REXO1: variants seen among roughly 807,000 people sequenced by gnomAD.
REXO1 encodes the protein REX1, RNA exonuclease 1 homolog.
REXO1 carries 42 observed loss-of-function variants against 102.6 expected under a neutral mutation model. That is an observed-to-expected ratio of 0.41 (90% CI 0.32 to 0.53). REXO1 has a LOEUF of 0.53. Ranked by LOEUF, REXO1 falls within the 20% of genes least tolerant of loss-of-function variation. REXO1 has a pLI of 0.27. For missense variants in REXO1, 1,819 were observed against 1,732.5 expected (o/e 1.05, Z -0.89); for synonymous variants, 908 against 779.1 (o/e 1.17, Z -2.76).
In REXO1 at chr19:1,848,246, C is replaced by G. The variant is rs756384226; in HGVS notation, c.113G>C (p.Gly38Ala). 8.1e-7 allele frequency: 1 copy of G among 1,228,206 alleles called. No homozygotes were observed. The highest frequency in any genetic ancestry group is 1.0e-6 in the Non-Finnish European group (1 of 981,162). 76.1% of individuals were successfully genotyped at this position (1,228,206 alleles called of 1,614,324 possible). A position where few individuals can be genotyped will look rare whatever the true frequency, so the allele number is the denominator to read the frequency against. ...YCHFRHRGARGSGAPGDGGEA... is the reference protein window; with the variant it reads ...YCHFRHRGARASGAPGDGGEA... Reference sequence around the variant, plus strand: ...TCCGCCGTCACCGGGCGCGCCGGAGCCCCGGGCCCCGCGGTGCCGGAAGTG... The same window carrying G: ...TCCGCCGTCACCGGGCGCGCCGGAGGCCCGGGCCCCGCGGTGCCGGAAGTG... Residue 38 changes from glycine to alanine, a missense_variant, in exon 1 of 16, where the codon GGC (glycine) becomes GCC (alanine). Coordinates refer to ENST00000170168, the MANE Select transcript of REXO1 (RefSeq NM_020695.4).
At position 1,815,930 on chromosome 19, in the gene REXO1, G is replaced by A. The variant is rs1219246781; in HGVS notation, c.*136C>T. 1.2e-5 allele frequency: 18 copies of A among 1,534,554 alleles called. No homozygotes were observed. Among genetic ancestry groups the A allele is most frequent in the Middle Eastern group, 1.7e-4 (1 of 6,004 alleles). On this transcript the variant is annotated 3_prime_UTR_variant, in exon 16 of 16. Coordinates refer to ENST00000170168, the MANE Select transcript of REXO1 (RefSeq NM_020695.4). This position sits in a 1 kb window ranked among gnomAD's most constrained non-coding sequence, Gnocchi z 4.0. ...GGGCTGGGCTGGGCGTTCTCTGGCC[G>A]CCAGCTCATCCCGCTGCTCTGGGCT...
chr19:1,817,668 T>C lies in REXO1; in HGVS notation c.3090+39A>G, dbSNP rs774126016. 2.5e-6 allele frequency: 4 copies of C among 1,593,746 alleles called. No homozygotes were observed. The African/African-American group carries it at 4.0e-5, about 16-fold the overall frequency. ...CCAACGATGGGGAGGCAGAAGTCTG[T>C]TGAGAACAGGCAGAGGGGACTGGGA... On this transcript the variant is annotated intron_variant, in intron 11 of 15. Transcript: ENST00000170168.
chr19:1,821,420 C>A (rs563739713), intron 5 of REXO1, 99 bp downstream of exon 5: 1 of 1,428,000 alleles, frequency 7.0e-7, no homozygotes, highest in East Asian at 2.3e-5. Context: ...CGAAGGCCCG[C>A]AGGGCAGGGG....
At chr19:1,836,774 G>A (rs1254978052) in intron 1 of REXO1, among the ~76,000 whole-genome samples, 6 of 143,410 alleles carry the variant, frequency 4.2e-5, no homozygotes, top group Non-Finnish European at 7.6e-5. Context: ...AAAAGAACCC[G>A]GCAGGCCCAG....
chr19:1,831,759 C>A (rs745570823), intron 1 of REXO1, among the ~76,000 whole-genome samples: 1 of 144,414 alleles, frequency 6.9e-6, no homozygotes, highest in South Asian at 2.1e-4. Context: ...GCAAGAGAAT[C>A]GCTTGAACCT....
chr19:1,844,974 T>C (rs2011471211), intron 1 of REXO1, among the ~76,000 whole-genome samples: 1 of 152,310 alleles, frequency 6.6e-6, no homozygotes, highest in Non-Finnish European at 1.5e-5. Flanking sequence ...CCCTGGACTT[T>C]CCTGCAATCC....
chr19:1,827,628 G>A lies in REXO1; in HGVS notation c.1161C>T (p.Pro387=). The A allele has an allele frequency of 6.4e-7, 1 of 1,573,036 alleles. No individual in the cohort carries two copies. The change falls in exon 2 of 16, where the codon CCC becomes CCT. Residue 387 remains proline, a synonymous_variant. Coordinates refer to ENST00000170168, the MANE Select transcript of REXO1 (RefSeq NM_020695.4). ...TCCCCTGGGCCCCGTCTTTGCAGCT[G>A]GGGGCAGGTGGGGCCCCGGTTTTTT... ...KKKKTGAPPA[P]SCKDGAQGKD...
Position 1,823,380 on chromosome 19 carries a change from G to A in REXO1, c.2230+192C>T, listed in dbSNP as rs180872964. The stretch of plus-strand genomic sequence containing the variant: ...CTGGGTCAGGGAAGGAAGGTGCTGG[G>A]CCAGGCCTCCTGCACCCCTCAACAG... On this transcript the variant is annotated intron_variant, in intron 4 of 15. Coordinates refer to ENST00000170168, the MANE Select transcript of REXO1 (RefSeq NM_020695.4). 1,808 of 405,748 alleles carry A rather than the reference G, an allele frequency of 4.5e-3. 8 individuals are homozygous for A. Among genetic ancestry groups the A allele is most frequent in the Non-Finnish European group, 6.5e-3 (1,521 of 233,516 alleles). 25.1% of individuals were successfully genotyped at this position (405,748 alleles called of 1,614,324 possible).
rs1380629380 is a variant in REXO1, at chr19:1,826,506, G to A, written c.1911+372C>T. On this transcript the variant is annotated intron_variant, in intron 2 of 15. Coordinates refer to ENST00000170168, the MANE Select transcript of REXO1 (RefSeq NM_020695.4). This position sits in a 1 kb window ranked among gnomAD's most constrained non-coding sequence, Gnocchi z 4.3. ...AAGGGAGGAGGGGAGAAGAGAGGGG[G>A]AAGGGAGGAAAGGGGAGGCGAGGGG... Among the ~76,000 whole-genome samples, 1 of 137,480 alleles carries A rather than the reference G, an allele frequency of 7.3e-6. No individual in the cohort carries two copies. The highest frequency in any genetic ancestry group is 2.7e-5 in the African/African-American group (1 of 37,724). 90.2% of individuals were successfully genotyped at this position (137,480 alleles called of 152,430 possible).
In REXO1 at chr19:1,816,589, G is replaced by A. The variant is rs368021105; in HGVS notation, c.3318-20C>T. On this transcript the variant is annotated intron_variant, in intron 13 of 15. Transcript: ENST00000170168. The stretch of plus-strand genomic sequence containing the variant: ...GAAAACCTGGGGGAACGGGCAGGAG[G>A]GGCACCAGGGCTCAGCCTGGAAGCA... 8.1e-6 allele frequency: 13 copies of A among 1,605,910 alleles called. No individual in the cohort carries two copies. In the Admixed American group the frequency reaches 1.0e-4, roughly 12 times the overall value.
Position 1,827,567 on chromosome 19 carries a change from C to A in REXO1, c.1222G>T (p.Val408Leu). 6.3e-7 allele frequency: 1 copy of A among 1,595,276 alleles called. No homozygotes were observed. Among genetic ancestry groups the A allele is most frequent in the Admixed American group, 1.9e-5 (1 of 53,814 alleles). The part of the protein sequence containing the change: ...KTKDKGRGRP[V>L]EKPRADKKGP... The stretch of plus-strand genomic sequence containing the variant: ...TTCTTGTCCGCACGGGGCTTCTCCA[C>A]AGGCCGCCCTCGGCCCTTGTCCTTG... The change falls in exon 2 of 16, where the codon GTG becomes TTG. Residue 408 changes from valine to leucine, a missense_variant. Physicochemically the swap from Val to Leu is conservative, Grantham distance 32. Coordinates refer to ENST00000170168, the MANE Select transcript of REXO1 (RefSeq NM_020695.4).
intron 4 of REXO1, chr19:1,821,973 C>A: frequency 1.9e-6 from 1 of 538,982 alleles, no homozygotes; most frequent in Non-Finnish European, 3.2e-6. Context: ...CCCAAGGCGT[C>A]GATGTCTGAG....
intron 1 of REXO1, among the ~76,000 whole-genome samples, chr19:1,832,642 G>A: frequency 6.7e-6 from 1 of 150,370 alleles, no homozygotes; most frequent in Admixed American, 6.6e-5. Flanking sequence ...TGTCATCCCA[G>A]GCACGGTGGC....
chr19:1,821,095 C>G (rs1021393573), intron 5 of REXO1, among the ~76,000 whole-genome samples: 1 of 151,896 alleles, frequency 6.6e-6, no homozygotes, highest in Non-Finnish European at 1.5e-5. Flanking sequence ...CGCCTGTAAT[C>G]CCAGCACTTT....
In REXO1 at chr19:1,825,882, C is replaced by G; in HGVS notation, c.1973G>C (p.Gly658Ala). ...AAGGTGGGAGATCCTCCTCTTCTGCCCGGGGAACAGAGTGGTCAGACCCGA... is the reference window on the plus strand; with the variant it reads ...AAGGTGGGAGATCCTCCTCTTCTGCGCGGGGAACAGAGTGGTCAGACCCGA... ...GLSGLTTLFP[G>A]QKRRISHLSK... The change falls in exon 3 of 16, where the codon GGG becomes GCG. Residue 658 changes from glycine to alanine, a missense_variant. Gly to Ala is a moderately conservative substitution (Grantham distance 60). Coordinates refer to ENST00000170168, the MANE Select transcript of REXO1 (RefSeq NM_020695.4). 2 of 1,613,806 alleles carry G rather than the reference C, an allele frequency of 1.2e-6. No individual in the cohort carries two copies. The highest frequency in any genetic ancestry group is 1.7e-6 in the Non-Finnish European group (2 of 1,179,918).
At chr19:1,835,766 C>T (rs2070021986) in intron 1 of REXO1, among the ~76,000 whole-genome samples, 1 of 152,174 alleles carries the variant, frequency 6.6e-6, no homozygotes, top group South Asian at 2.1e-4. Flanking sequence ...GCTGCCCCTT[C>T]CTCCCTGCTT....
intron 5 of REXO1, among the ~76,000 whole-genome samples, chr19:1,820,699 A>C (rs2069508092): frequency 6.6e-6 from 1 of 152,262 alleles, no homozygotes; most frequent in Admixed American, 6.5e-5. Flanking sequence ...CTATTAATTA[A>C]AAACAAAACA....
In REXO1 at chr19:1,819,958, G is replaced by C; in HGVS notation, c.2626C>G (p.Pro876Ala). 2 of 1,588,134 alleles carry C rather than the reference G, an allele frequency of 1.3e-6. No homozygotes were observed. Among genetic ancestry groups the C allele is most frequent in the Non-Finnish European group, 1.7e-6 (2 of 1,170,528 alleles). The stretch of plus-strand genomic sequence containing the variant: ...CTGCTGAGGCCGGGCACAGCGCTGG[G>C]GGCCAGGCCCCTGAGCTTCTTGAGG... The part of the protein sequence containing the change: ...NTLKKLRGLA[P>A]SAVPGLSKTS... Residue 876 changes from proline to alanine, a missense_variant, in exon 7 of 16, where the codon CCC (proline) becomes GCC (alanine). Coordinates refer to ENST00000170168, the MANE Select transcript of REXO1 (RefSeq NM_020695.4).
At chr19:1,846,740 G>C (rs1449771946) in intron 1 of REXO1, among the ~76,000 whole-genome samples, 1 of 152,096 alleles carries the variant, frequency 6.6e-6, no homozygotes, top group East Asian at 1.9e-4. Context: ...AACATACAAA[G>C]TTAGCCAGGC....
Sources: gnomAD v4.1 joint callset for allele counts (sites outside exome capture counted in the v4.1 genomes callset) on GRCh38, gnomAD v4.1.1 for gene constraint, Gnocchi (gnomAD v3.1) non-coding constraint, MANE v1.5 for transcripts, NCBI Gene and HGNC (gene_info 2026-07-23, HGNC 2026-07-21) for gene names.